Variants in KLHL3 observed in about 807,000 individuals in gnomAD.
The protein encoded by KLHL3 is kelch-like protein 3.
Under a neutral mutation model 70.5 loss-of-function variants are expected in KLHL3, and 19 were observed. The ratio of observed to expected loss-of-function variants is 0.27; its 90% CI spans 0.19 to 0.40. The LOEUF (loss-of-function observed/expected upper bound fraction) is 0.40, where lower values mean the gene tolerates loss of function less well. Among genes scored for constraint, KLHL3 ranks in the 10% least tolerant of loss-of-function variants. KLHL3 has a pLI of 1.00. For missense variants in KLHL3, 512 were observed against 771.1 expected (o/e 0.66, Z 3.98); for synonymous variants, 258 against 290.3 (o/e 0.89, Z 1.13).
At position 137,618,612 on chromosome 5, in the gene KLHL3, G is replaced by A. The variant is rs1479113660; in HGVS notation, c.*3486C>T. Reference sequence around the variant, plus strand: ...AGATAGAAGAGAATAAGGAATGGTCGGCTGGACCTAGGACACTATGGGAGT... The same window carrying A: ...AGATAGAAGAGAATAAGGAATGGTCAGCTGGACCTAGGACACTATGGGAGT... On this transcript the variant is annotated 3_prime_UTR_variant, in exon 15 of 15. Coordinates refer to ENST00000309755, the MANE Select transcript of KLHL3 (RefSeq NM_017415.3). The A allele has an allele frequency of 1.3e-5, 2 of 152,082 alleles. No homozygotes were observed. Among genetic ancestry groups the A allele is most frequent in the Admixed American group, 1.3e-4 (2 of 15,280 alleles). The allele number at this position is 152,082 out of a possible 1,614,324, so 9.4% of individuals were successfully genotyped here.
intron 8 of KLHL3, among the ~76,000 whole-genome samples, chr5:137,652,051 A>C (rs982378743): frequency 6.6e-6 from 1 of 151,076 alleles, no homozygotes; most frequent in Non-Finnish European, 1.5e-5. Context: ...GAACAACAAC[A>C]AAAAAAAACT....
chr5:137,659,786 G>A (rs1160722352), intron 7 of KLHL3, among the ~76,000 whole-genome samples: 2 of 152,230 alleles, frequency 1.3e-5, no homozygotes, highest in Admixed American at 1.3e-4. Flanking sequence ...GAATTTGAAT[G>A]TAATGAATGC....
At chr5:137,623,554 T>A (rs1276068240) in intron 14 of KLHL3, among the ~76,000 whole-genome samples, 1 of 152,152 alleles carries the variant, frequency 6.6e-6, no homozygotes, top group African/African-American at 2.4e-5. Context: ...TTTATCTTAA[T>A]AATAAAAGTA....
chr5:137,642,726 C>T (rs1477784627), intron 8 of KLHL3, among the ~76,000 whole-genome samples: 5 of 152,058 alleles, frequency 3.3e-5, no homozygotes, highest in East Asian at 1.9e-4. Flanking sequence ...TGTTGGAACA[C>T]CAGGTTAAAA....
At chr5:137,721,097 G>C (rs1415809948) in intron 1 of KLHL3, 1 of 158,666 alleles carries the variant, frequency 6.3e-6, no homozygotes, top group Non-Finnish European at 1.4e-5. Context: ...AGCTACAGAA[G>C]CACAGGGGAT....
At chr5:137,674,254 G>A (rs1274484866) in intron 6 of KLHL3, among the ~76,000 whole-genome samples, 2 of 151,922 alleles carry the variant, frequency 1.3e-5, no homozygotes, top group African/African-American at 2.4e-5. Flanking sequence ...TATTTTTTTA[G>A]TGTCTACCAT....
intron 4 of KLHL3, among the ~76,000 whole-genome samples, chr5:137,694,603 T>G (rs1298242449): frequency 6.6e-6 from 1 of 152,148 alleles, no homozygotes; most frequent in Non-Finnish European, 1.5e-5. Context: ...ACACCAGGAA[T>G]AAAAAGCTCT....
intron 4 of KLHL3, among the ~76,000 whole-genome samples, chr5:137,696,068 C>T (rs985377118): frequency 6.6e-6 from 1 of 152,230 alleles, no homozygotes; most frequent in South Asian, 2.1e-4. Context: ...GTGCAGGCCC[C>T]GTTTTGTTTT....
chr5:137,717,427 G>A (rs1315383927), intron 2 of KLHL3, among the ~76,000 whole-genome samples: 1 of 152,234 alleles, frequency 6.6e-6, no homozygotes, highest in Non-Finnish European at 1.5e-5. Context: ...CTACTTGGGA[G>A]GCTGAGGGAG....
intron 8 of KLHL3, among the ~76,000 whole-genome samples, chr5:137,652,082 C>T (rs988956650): frequency 6.6e-6 from 1 of 151,890 alleles, no homozygotes; most frequent in Non-Finnish European, 1.5e-5. Context: ...GATCCATAGG[C>T]CTAAGTGTAA....
intron 10 of KLHL3, among the ~76,000 whole-genome samples, 187 bp downstream of exon 10, chr5:137,638,766 A>T (rs770766761): frequency 3.9e-5 from 6 of 152,232 alleles, no homozygotes; most frequent in Admixed American, 6.5e-5. Flanking sequence ...ATGGGTAGTT[A>T]CATATTCTGT....
Position 137,619,940 on chromosome 5 carries a change from AT to A in KLHL3, c.*2157del, listed in dbSNP as rs1334903914. 1 of 152,254 alleles carries A rather than the reference AT, an allele frequency of 6.6e-6. No individual in the cohort carries two copies. Among genetic ancestry groups the A allele is most frequent in the Non-Finnish European group, 1.5e-5 (1 of 68,044 alleles). The allele number at this position is 152,254 out of a possible 1,614,324, so 9.4% of individuals were successfully genotyped here. ...GCAGGGAATTCACCTATCATCTGAA[AT>A]TGAGAGCTTCTGTGAATGGCATACA... On this transcript the variant is annotated 3_prime_UTR_variant, in exon 15 of 15. Transcript: ENST00000309755.
chr5:137,713,263 A>T (rs1296253938), intron 2 of KLHL3, among the ~76,000 whole-genome samples: 4 of 151,998 alleles, frequency 2.6e-5, no homozygotes, highest in Admixed American at 1.3e-4. Context: ...CCAGGAGTTC[A>T]CGACCAGCCT....
At chr5:137,683,610 G>A (rs1752087286) in intron 5 of KLHL3, among the ~76,000 whole-genome samples, 1 of 152,082 alleles carries the variant, frequency 6.6e-6, no homozygotes, top group African/African-American at 2.4e-5. Flanking sequence ...CTTCTCAGAA[G>A]GGTCATGACC....
chr5:137,649,307 A>G (rs1751139759), intron 8 of KLHL3, among the ~76,000 whole-genome samples: 1 of 152,242 alleles, frequency 6.6e-6, no homozygotes, highest in Admixed American at 6.5e-5. Context: ...TTAGGTTATA[A>G]AAACACTACA....
intron 6 of KLHL3, chr5:137,677,325 A>AG: frequency 2.7e-6 from 1 of 373,612 alleles, no homozygotes; most frequent in East Asian, 4.4e-5. Context: ...GCGGGTGCCT[A>AG]TAATCCCAGC....
chr5:137,624,427 C>T (rs1424024560), intron 14 of KLHL3, among the ~76,000 whole-genome samples: 1 of 152,184 alleles, frequency 6.6e-6, no homozygotes, highest in Non-Finnish European at 1.5e-5. Flanking sequence ...AACAGAATTA[C>T]TCCAGGACCA....
intron 4 of KLHL3, among the ~76,000 whole-genome samples, chr5:137,695,433 A>T (rs973564797): frequency 1.3e-5 from 2 of 152,162 alleles, no homozygotes; most frequent in East Asian, 3.8e-4. Flanking sequence ...TTAGAGTCAA[A>T]GGCCATTTTC....
At chr5:137,634,314 A>C (rs1750715107) in intron 11 of KLHL3, 149 bp from the exon 12 acceptor site, 1 of 805,704 alleles carries the variant, frequency 1.2e-6, no homozygotes, top group Non-Finnish European at 1.9e-6. Context: ...TTACTCCTCA[A>C]CCAAGCAAAG....
Sources: gnomAD v4.1 joint callset for allele counts (sites outside exome capture counted in the v4.1 genomes callset) on GRCh38, gnomAD v4.1.1 for gene constraint, MANE v1.5 for transcripts, NCBI Gene and HGNC (gene_info 2026-07-23, HGNC 2026-07-21) for gene names.